The following DNAH7 variants were observed in gnomAD, a reference collection of about 807,000 sequenced individuals.
DNAH7 encodes axonemal beta dynein heavy chain 7.
A neutral mutation model predicts 444.6 loss-of-function variants in DNAH7; 397 were observed. The ratio of observed to expected loss-of-function variants is 0.89; its 90% confidence interval spans 0.82 to 0.97. The LOEUF is 0.97. DNAH7 is among the 50% of genes least tolerant of loss of function. The pLI is 0.00. For synonymous variants in DNAH7, 1,636 were observed against 1,624.4 expected (o/e 1.01, Z -0.17); for missense variants, 4,902 against 4,800.8 (o/e 1.02, Z -0.62).
At chr2:195,887,102 A>T (rs541246399) in intron 33 of DNAH7, among the ~76,000 whole-genome samples, 18 of 152,198 alleles carry the variant, frequency 1.2e-4, no homozygotes, top group Non-Finnish European at 1.5e-5. Context: ...CTACATAGTA[A>T]ATAACAGGCA....
intron 8 of DNAH7, among the ~76,000 whole-genome samples, chr2:196,022,006 A>G (rs957977916): frequency 1.3e-5 from 2 of 152,072 alleles, no homozygotes; most frequent in African/African-American, 2.4e-5. Flanking sequence ...GCACACCTGT[A>G]ATCCCACTTA....
intron 45 of DNAH7, among the ~76,000 whole-genome samples, chr2:195,855,293 A>C (rs1004754210): frequency 1.3e-5 from 2 of 152,206 alleles, no homozygotes; most frequent in Admixed American, 1.3e-4. Flanking sequence ...GGTATCACTA[A>C]TTAAGTTAGA....
chr2:195,986,979 C>T (rs1275807928), intron 14 of DNAH7, 87 bp downstream of exon 14: 1 of 1,231,214 alleles, frequency 8.1e-7, no homozygotes, highest in Non-Finnish European at 1.1e-6. Context: ...TATGGCATTG[C>T]TTTAATCAAT....
At position 196,059,878 on chromosome 2, in the gene DNAH7, C is replaced by T. The variant is rs760516526; in HGVS notation, c.16-1762G>A. Among the ~76,000 whole-genome samples the T allele has an allele frequency of 4.6e-5, 7 of 152,254 alleles. No homozygotes were observed. In the South Asian group the frequency reaches 6.2e-4, roughly 14 times the overall value. ...TTGGGGAAGGGATGGCTCTTCTCTT[C>T]GAGCAGAGAGTCTCTGCTCTCTTAA... On this transcript the variant is annotated intron_variant, in intron 1 of 64. Transcript: ENST00000312428.
At position 195,972,237 on chromosome 2, in the gene DNAH7, C is replaced by T; in HGVS notation, c.2058+5G>A. The T allele has an allele frequency of 6.2e-7, 1 of 1,602,332 alleles. No homozygotes were observed. Among genetic ancestry groups the T allele is most frequent in the Non-Finnish European group, 8.5e-7 (1 of 1,172,276 alleles). On this transcript the variant is annotated splice_donor_5th_base_variant and intron_variant, in intron 16 of 64. Transcript: ENST00000312428. ...AAATGAAAATAAAATATCTAAGATG[C>T]CAACCTTCAGACCTTCTTGATATTG...
In DNAH7 at chr2:195,960,891, GA is replaced by G. The variant is rs1691048779; in HGVS notation, c.2259del (p.Pro754LeufsTer10). ...EEAFGWLPSV[Y>X]PQRKKIQDGL... The stretch of plus-strand genomic sequence containing the variant: ...CCATCTTGGATTTTTTTACGTTGAG[GA>G]TATACAGATGGTAGCCAACCAAATG... On this transcript the variant is annotated frameshift_variant, in exon 18 of 65. Transcript: ENST00000312428. LOFTEE classifies it high-confidence loss of function. 6.2e-7 allele frequency: 1 copy of G among 1,612,480 alleles called. No homozygotes were observed.
intron 51 of DNAH7, among the ~76,000 whole-genome samples, chr2:195,813,370 T>C (rs1697062249): frequency 6.6e-6 from 1 of 152,168 alleles, no homozygotes; most frequent in African/African-American, 2.4e-5. Context: ...TTTTGAAAAC[T>C]AGTCAGACCT....
At chr2:195,830,625 T>C (rs1248632760) in intron 48 of DNAH7, among the ~76,000 whole-genome samples, 1 of 152,182 alleles carries the variant, frequency 6.6e-6, no homozygotes, top group Non-Finnish European at 1.5e-5. Context: ...TGGTACTTCA[T>C]TGAAGGGGTC....
chr2:195,853,507 G>GT lies in DNAH7; in HGVS notation c.8616dup (p.Leu2873ThrfsTer5). Reference sequence around the variant, plus strand: ...CCAATCAACTGTTCAGCTCGTTCTAGTTTTTTGCTGCAAAGGTCAACCTCG... The same window carrying GT: ...CCAATCAACTGTTCAGCTCGTTCTAGTTTTTTTGCTGCAAAGGTCAACCTCG... On this transcript the variant is annotated frameshift_variant, in exon 46 of 65. Coordinates refer to ENST00000312428, the MANE Select transcript of DNAH7 (RefSeq NM_018897.3). LOFTEE classifies it high-confidence loss of function. 7 of 1,609,188 alleles carry GT rather than the reference G, an allele frequency of 4.4e-6. No individual in the cohort carries two copies. The highest frequency in any genetic ancestry group is 5.9e-6 in the Non-Finnish European group (7 of 1,177,554).
chr2:195,794,154 TTAAAA>T (rs1045791610), intron 57 of DNAH7, among the ~76,000 whole-genome samples, 179 bp downstream of exon 57: 6 of 152,160 alleles, frequency 3.9e-5, no homozygotes, highest in African/African-American at 1.2e-4. Flanking sequence ...GGTGCTAAAA[TTAAAA>T]TAAAATATTA....
chr2:196,050,090 T>A (rs922999115), intron 3 of DNAH7, among the ~76,000 whole-genome samples: 8 of 152,372 alleles, frequency 5.3e-5, no homozygotes, highest in Admixed American at 2.6e-4. Context: ...AGCGAAACTG[T>A]CCTTCATTTC....
intron 24 of DNAH7, among the ~76,000 whole-genome samples, chr2:195,913,721 G>T (rs1037217134): frequency 2.6e-5 from 4 of 151,926 alleles, no homozygotes; most frequent in African/African-American, 7.3e-5. Context: ...TTGTTGTTTG[G>T]TTTTTTGTTT....
intron 5 of DNAH7, 137 bp downstream of exon 5, chr2:196,047,214 CT>C: frequency 1.6e-6 from 1 of 606,242 alleles, no homozygotes; most frequent in East Asian, 3.2e-5. Context: ...CTCTTTCATT[CT>C]TTATTTATAC....
chr2:195,754,022 AT>A, intron 63 of DNAH7, among the ~76,000 whole-genome samples: 1 of 152,288 alleles, frequency 6.6e-6, no homozygotes, highest in African/African-American at 2.4e-5. Flanking sequence ...CCTTCTTAAC[AT>A]TTTAGGAATA....
chr2:195,844,829 C>T (rs1263311064), intron 47 of DNAH7, among the ~76,000 whole-genome samples, 173 bp downstream of exon 47: 5 of 152,198 alleles, frequency 3.3e-5, no homozygotes, highest in African/African-American at 1.2e-4. Context: ...GTCTAATACT[C>T]AACTATTATA....
chr2:195,892,095 T>C (rs779353371), intron 30 of DNAH7, among the ~76,000 whole-genome samples: 12 of 152,252 alleles, frequency 7.9e-5, no homozygotes, highest in Admixed American at 5.2e-4. Flanking sequence ...TCTACATATC[T>C]TAAACTAAGA....
Position 195,995,220 on chromosome 2 carries a change from GC to G in DNAH7, c.1353+5483del, listed in dbSNP as rs1389941211. The G allele has an allele frequency of 7.9e-6, 3 of 377,648 alleles. No homozygotes were observed. In the Admixed American group the frequency reaches 8.8e-5, roughly 11 times the overall value. The allele number at this position is 377,648 out of a possible 1,614,324, so 23.4% of individuals were successfully genotyped here. A position where few individuals can be genotyped will look rare whatever the true frequency, so the allele number is the denominator to read the frequency against. ...TGGGATTACAGGCATGAGCCAAAAT[GC>G]CCGGCTATTTTTAGACTTCTTAATG... On this transcript the variant is annotated intron_variant, in intron 12 of 64. Transcript: ENST00000312428.
At position 195,988,306 on chromosome 2, in the gene DNAH7, A is replaced by G; in HGVS notation, c.1354-77T>C. On this transcript the variant is annotated intron_variant, in intron 12 of 64. Transcript: ENST00000312428. Reference sequence around the variant, plus strand: ...ATCATTTATCTTTGTACAAACGCCAATCTTACAATGTTTCTTGTCTTTTTA... The same window carrying G: ...ATCATTTATCTTTGTACAAACGCCAGTCTTACAATGTTTCTTGTCTTTTTA... 10 of 1,240,852 alleles carry G rather than the reference A, an allele frequency of 8.1e-6. No individual in the cohort carries two copies. In the South Asian group the frequency reaches 8.8e-5, roughly 11 times the overall value. 76.9% of individuals were successfully genotyped at this position (1,240,852 alleles called of 1,614,324 possible). A position where few individuals can be genotyped will look rare whatever the true frequency, so the allele number is the denominator to read the frequency against.
chr2:195,938,147 T>A (rs369646437), intron 19 of DNAH7, among the ~76,000 whole-genome samples: 2 of 152,162 alleles, frequency 1.3e-5, no homozygotes, highest in African/African-American at 4.8e-5. Context: ...AAGATACAAT[T>A]TTTGCTTTTT....
Sources: gnomAD v4.1 joint callset for allele counts (sites outside exome capture counted in the v4.1 genomes callset) on GRCh38, gnomAD v4.1.1 for gene constraint, MANE v1.5 for transcripts, NCBI Gene and HGNC (gene_info 2026-07-23, HGNC 2026-07-21) for gene names.